The following SRCIN1 variants were observed in gnomAD, a reference collection of about 807,000 sequenced individuals.
SRCIN1 encodes the protein SRC kinase signaling inhibitor 1.
SRCIN1 carries 50 observed loss-of-function variants against 116.2 expected under a neutral mutation model. The observed-to-expected ratio is 0.43, with a 90% CI of 0.34 to 0.54. The LOEUF is 0.54. Ranked by LOEUF, SRCIN1 falls within the 20% of genes least tolerant of loss-of-function variation. The probability of loss-of-function intolerance (pLI) is 0.02; values close to 1 mark genes in which losing one functional copy is unlikely to be tolerated. For synonymous variants in SRCIN1, 736 were observed against 750.0 expected (o/e 0.98, Z 0.30); for missense variants, 1,446 against 1,672.0 (o/e 0.86, Z 2.36).
rs1906357986 is a variant in SRCIN1, at chr17:38,562,733, C to G, written c.834+94G>C. 1 of 1,113,272 alleles carries G rather than the reference C, an allele frequency of 9.0e-7. No individual in the cohort carries two copies. The highest frequency in any genetic ancestry group is 1.3e-6 in the Non-Finnish European group (1 of 760,278). The allele number at this position is 1,113,272 out of a possible 1,614,324, so 69.0% of individuals were successfully genotyped here. Reference sequence around the variant, plus strand: ...AGCCCCTATGCTGTCTTCTCCAAAGCTGGCCCTGGTTCCAGATGACAACTG... The same window carrying G: ...AGCCCCTATGCTGTCTTCTCCAAAGGTGGCCCTGGTTCCAGATGACAACTG... On this transcript the variant is annotated intron_variant, in intron 6 of 18. Coordinates refer to ENST00000617146, the MANE Select transcript of SRCIN1 (RefSeq NM_025248.3). The surrounding 1 kb of genome is among the most constrained non-coding windows in gnomAD (Gnocchi z 4.2).
At chr17:38,588,759 C>G (rs1445077722) in intron 1 of SRCIN1, among the ~76,000 whole-genome samples, 1 of 152,118 alleles carries the variant, frequency 6.6e-6, no homozygotes, top group Non-Finnish European at 1.5e-5. Context: ...GGTGGAAGCC[C>G]CACCCACCAT....
chr17:38,560,291 C>T, intron 8 of SRCIN1, 42 bp downstream of exon 8: 1 of 1,566,292 alleles, frequency 6.4e-7, no homozygotes, highest in Non-Finnish European at 8.7e-7. Flanking sequence ...CCTCCTGCTC[C>T]ACCCCTAGGC....
intron 18 of SRCIN1, chr17:38,543,269 T>C: frequency 2.2e-6 from 1 of 451,282 alleles, no homozygotes; most frequent in South Asian, 1.6e-5. Flanking sequence ...AACACAAGGC[T>C]GAAAAGCAGA....
intron 18 of SRCIN1, among the ~76,000 whole-genome samples, chr17:38,534,167 C>T (rs1253578648): frequency 6.6e-6 from 1 of 152,222 alleles, no homozygotes; most frequent in African/African-American, 2.4e-5. Flanking sequence ...CATCCTCCTC[C>T]CACCTTCGGT....
chr17:38,571,286 T>C (rs1256213388), intron 2 of SRCIN1, among the ~76,000 whole-genome samples: 1 of 152,190 alleles, frequency 6.6e-6, no homozygotes, highest in African/African-American at 2.4e-5. Context: ...TTCCTCCTGC[T>C]GTGCCCAGTA....
intron 2 of SRCIN1, among the ~76,000 whole-genome samples, chr17:38,570,652 C>T (rs578024431): frequency 2.6e-5 from 4 of 152,246 alleles, no homozygotes; most frequent in Non-Finnish European, 5.9e-5. Flanking sequence ...AGGCCCACCT[C>T]GTGGTCCTGG....
chr17:38,547,848 G>C (rs745714175), intron 17 of SRCIN1: 5 of 209,756 alleles, frequency 2.4e-5, no homozygotes, highest in South Asian at 8.8e-5. Flanking sequence ...CGGGGCGTGG[G>C]GGGGAGGGAA....
At chr17:38,561,038 C>T (rs186104880) in intron 7 of SRCIN1, among the ~76,000 whole-genome samples, 9 of 152,352 alleles carry the variant, frequency 5.9e-5, no homozygotes, top group African/African-American at 2.2e-4. Flanking sequence ...CTTTCCTCGT[C>T]ACCATTTTTC....
At position 38,551,300 on chromosome 17, in the gene SRCIN1, T is replaced by C. The variant is rs773844204; in HGVS notation, c.2817A>G (p.Ala939=). ...GGTCAGGGATGGCCTTGAGCAGCTC[T>C]GCCTGTGTCTCTTCCAGCAGCCGGT... ...DINRLLEETQ[A]ELLKAIPDLD... is the part of the protein sequence containing the mutation. The change falls in exon 15 of 19, where the codon GCA becomes GCG. Residue 939 remains alanine, a synonymous_variant. Coordinates refer to ENST00000617146, the MANE Select transcript of SRCIN1 (RefSeq NM_025248.3). 6.2e-7 allele frequency: 1 copy of C among 1,613,932 alleles called. No individual in the cohort carries two copies.
rs371079412 is a variant in SRCIN1 at position 38,574,702 on chromosome 17, C to T, written c.324+3788G>A. Among the ~76,000 whole-genome samples the T allele has an allele frequency of 1.5e-4, 23 of 152,226 alleles. 1 individual carries two copies. The highest frequency in any genetic ancestry group is 3.9e-4 in the Admixed American group (6 of 15,300). On this transcript the variant is annotated intron_variant, in intron 2 of 18. Transcript: ENST00000617146. The stretch of plus-strand genomic sequence containing the variant: ...GAGGTAGTGGCAGGGAATTAGACAT[C>T]GGGCAGATGTGAGTACGGGACACAG...
At position 38,558,320 on chromosome 17, in the gene SRCIN1, C is replaced by A; in HGVS notation, c.2108G>T (p.Arg703Leu). 2 of 1,610,728 alleles carry A rather than the reference C, an allele frequency of 1.2e-6. No homozygotes were observed. The highest frequency in any genetic ancestry group is 1.7e-6 in the Non-Finnish European group (2 of 1,179,564). ...CTGCCGCTGCAGCGGGTCCTCCTGCCGCCGCGCCGCCTCCGACACGCGCAT... is the reference window on the plus strand; with the variant it reads ...CTGCCGCTGCAGCGGGTCCTCCTGCAGCCGCGCCGCCTCCGACACGCGCAT... The part of the protein sequence containing the change: ...LSMRVSEAAR[R>L]QEDPLQRQRT... The change falls in exon 11 of 19, where the codon CGG becomes CTG. Residue 703 changes from arginine to leucine, a missense_variant. Arg to Leu is a moderately radical substitution (Grantham distance 102). Coordinates refer to ENST00000617146, the MANE Select transcript of SRCIN1 (RefSeq NM_025248.3). The surrounding 1 kb of genome is among the most constrained non-coding windows in gnomAD (Gnocchi z 4.6).
At chr17:38,590,505 G>C (rs1908383779) in intron 1 of SRCIN1, among the ~76,000 whole-genome samples, 1 of 152,190 alleles carries the variant, frequency 6.6e-6, no homozygotes, top group African/African-American at 2.4e-5. Context: ...CTAAGTGCTG[G>C]GATTACAGGC....
At chr17:38,601,759 C>T (rs1909046068) in intron 1 of SRCIN1, among the ~76,000 whole-genome samples, 1 of 152,142 alleles carries the variant, frequency 6.6e-6, no homozygotes, top group African/African-American at 2.4e-5. Flanking sequence ...AACCCAGGCC[C>T]ATCCCTTCTG....
At chr17:38,581,328 C>A (rs1372828555) in intron 1 of SRCIN1, among the ~76,000 whole-genome samples, 2 of 151,438 alleles carry the variant, frequency 1.3e-5, no homozygotes, top group African/African-American at 4.9e-5. Flanking sequence ...AATGCTTGAA[C>A]CCGGGAGGCA....
intron 7 of SRCIN1, among the ~76,000 whole-genome samples, chr17:38,560,675 C>T (rs1346028421): frequency 2.0e-5 from 3 of 152,190 alleles, no homozygotes; most frequent in African/African-American, 7.2e-5. Flanking sequence ...CCTGCTCTGC[C>T]TTTCTCCTGA....
Position 38,552,785 on chromosome 17 carries a change from C to T in SRCIN1, c.2272G>A (p.Glu758Lys), listed in dbSNP as rs1236756073. Reference sequence around the variant, plus strand: ...AGCACCAGTGCCTTCTCCTCCAGCTCAGGGCCGGGCACCAGCCGGTGGTTG... The same window carrying T: ...AGCACCAGTGCCTTCTCCTCCAGCTTAGGGCCGGGCACCAGCCGGTGGTTG... ...SHNHRLVPGP[E>K]LEEKALVLKQ... is the part of the protein sequence containing the mutation. The change falls in exon 12 of 19, where the codon GAG becomes AAG. Residue 758 changes from glutamate (E) to lysine (K), a missense_variant. This residue lies in a region of SRCIN1 where 531 missense variants were observed against 633.9 expected (regional missense o/e 0.84). Coordinates refer to ENST00000617146, the MANE Select transcript of SRCIN1 (RefSeq NM_025248.3). This position sits in a 1 kb window ranked among gnomAD's most constrained non-coding sequence, Gnocchi z 5.3. 6.2e-7 allele frequency: 1 copy of T among 1,614,012 alleles called. No individual in the cohort carries two copies. Among genetic ancestry groups the T allele is most frequent in the East Asian group, 2.2e-5 (1 of 44,882 alleles).
rs570205951 is a variant in SRCIN1, at chr17:38,533,829, G to A, written c.3418-398C>T. On this transcript the variant is annotated intron_variant, in intron 18 of 18. Transcript: ENST00000617146. ...GGGACAGGGGCACAAGCCCTGCGGG[G>A]GACGGGGGTCAGGGTGGGGAAAGGC... 9.9e-5 allele frequency among the ~76,000 whole-genome samples: 15 copies of A among 151,806 alleles called. No individual in the cohort carries two copies. In the South Asian group the frequency reaches 3.1e-3, roughly 32 times the overall value.
chr17:38,577,976 C>G (rs918538209), intron 2 of SRCIN1, among the ~76,000 whole-genome samples: 1 of 152,110 alleles, frequency 6.6e-6, no homozygotes, highest in African/African-American at 2.4e-5. Context: ...CAAAGGCTCC[C>G]GTTCTGGGCT....
chr17:38,579,214 C>T (rs1344617913), intron 1 of SRCIN1, among the ~76,000 whole-genome samples: 1 of 152,206 alleles, frequency 6.6e-6, no homozygotes, highest in Non-Finnish European at 1.5e-5. Flanking sequence ...TTTAGATGCT[C>T]CCTAAAAGAC....
Sources: allele counts gnomAD v4.1 joint callset (sites outside exome capture counted in the v4.1 genomes callset), GRCh38; gene constraint gnomAD v4.1.1; regional missense constraint gnomAD v4.1.1; non-coding constraint Gnocchi (gnomAD v3.1); transcripts MANE v1.5; gene names NCBI Gene and HGNC (gene_info 2026-07-23, HGNC 2026-07-21).